ANOS1: variants seen among roughly 807,000 people sequenced by gnomAD.
ANOS1 encodes anosmin-1.
A neutral mutation model predicts 59.0 loss-of-function variants in ANOS1; 6 were observed. The observed-to-expected ratio is 0.10, with a 90% CI of 0.06 to 0.20. ANOS1 has a LOEUF of 0.20. Ranked by LOEUF, ANOS1 falls within the 10% of genes least tolerant of loss-of-function variation. ANOS1 has a pLI of 1.00. For missense variants in ANOS1, 433 were observed against 542.3 expected (o/e 0.80, Z 2.00); for synonymous variants, 217 against 223.4 (o/e 0.97, Z 0.25).
Position 8,650,073 on chromosome X carries a change from G to C in ANOS1, c.256-26403C>G, listed in dbSNP as rs1004387749. Among the ~76,000 whole-genome samples the C allele has an allele frequency of 1.7e-4, 19 of 112,661 alleles. 1 individual carries two copies. Among genetic ancestry groups the C allele is most frequent in the African/African-American group, 6.1e-4 (19 of 31,027 alleles). On this transcript the variant is annotated intron_variant, in intron 2 of 13. Coordinates refer to ENST00000262648, the MANE Select transcript of ANOS1 (RefSeq NM_000216.4). ...TTACTTGTGTCTACTGCTTATGATA[G>C]TTTCCTGGGGGACCCATAAGTAGTG...
In ANOS1 at chrX:8,643,739, G is replaced by A. The variant is rs1021763691; in HGVS notation, c.256-20069C>T. On this transcript the variant is annotated intron_variant, in intron 2 of 13. Coordinates refer to ENST00000262648, the MANE Select transcript of ANOS1 (RefSeq NM_000216.4). ...GAATAGGAAACATTTGTCATCTATT[G>A]TTTCTAACAGCAGCCACTGTGAGAC... Among the ~76,000 whole-genome samples, 8 of 111,575 alleles carry A rather than the reference G, an allele frequency of 7.2e-5. 1 individual carries two copies. The highest frequency in any genetic ancestry group is 1.1e-4 in the Non-Finnish European group (6 of 53,102).
At position 8,529,957 on chromosome X, in the gene ANOS1, AT is replaced by A. The variant is rs1929470811; in HGVS notation, c.*3037del. 8.9e-6 allele frequency: 1 copy of A among 111,973 alleles called. No homozygotes were observed. Among genetic ancestry groups the A allele is most frequent in the Non-Finnish European group, 1.9e-5 (1 of 53,265 alleles). 9.2% of individuals were successfully genotyped at this position (111,973 alleles called of 1,213,427 possible). On this transcript the variant is annotated 3_prime_UTR_variant, in exon 14 of 14. Coordinates refer to ENST00000262648, the MANE Select transcript of ANOS1 (RefSeq NM_000216.4). ...TGTTGAGGTTGAGATGAACCTCTGTATACAGTCGGCTATGTATCTAAGGTTT... is the reference window on the plus strand; with the variant it reads ...TGTTGAGGTTGAGATGAACCTCTGTAACAGTCGGCTATGTATCTAAGGTTT...
intron 3 of ANOS1, among the ~76,000 whole-genome samples, chrX:8,615,162 C>A (rs886654171): frequency 1.8e-5 from 2 of 111,505 alleles, no homozygotes; most frequent in African/African-American, 6.5e-5. Context: ...ACAAGTAACA[C>A]TTTTATGTGT....
intron 6 of ANOS1, among the ~76,000 whole-genome samples, chrX:8,578,571 A>C (rs915170758): frequency 2.7e-5 from 3 of 111,953 alleles, no homozygotes; most frequent in Non-Finnish European, 3.8e-5. Flanking sequence ...CCAGTGTGAT[A>C]CTTATATGCT....
intron 2 of ANOS1, among the ~76,000 whole-genome samples, chrX:8,690,983 A>G (rs1932597500): frequency 9.0e-6 from 1 of 111,690 alleles, no homozygotes. Context: ...CAGGCTCCCC[A>G]CAGATAGGTG....
rs1173244039 is a variant in ANOS1, at chrX:8,732,104, C to T, written c.-68G>A. 5 of 800,298 alleles carry T rather than the reference C, an allele frequency of 6.2e-6. No homozygotes were observed. The highest frequency in any genetic ancestry group is 7.8e-6 in the Non-Finnish European group (5 of 643,179). The allele number at this position is 800,298 out of a possible 1,213,427, so 66.0% of individuals were successfully genotyped here. A position where few individuals can be genotyped will look rare whatever the true frequency, so the allele number is the denominator to read the frequency against. On this transcript the variant is annotated 5_prime_UTR_variant, in exon 1 of 14. Coordinates refer to ENST00000262648, the MANE Select transcript of ANOS1 (RefSeq NM_000216.4). ...CGAGGCTCCCTGCTCCGCGCCGGGG[C>T]TGCACTGCTGAGGACCAGGCAGACG...
At chrX:8,649,206 A>G (rs1288054857) in intron 2 of ANOS1, among the ~76,000 whole-genome samples, 1 of 111,939 alleles carries the variant, frequency 8.9e-6, no homozygotes, top group Non-Finnish European at 1.9e-5. Flanking sequence ...AGTCAAATCT[A>G]TTGTCTACAT....
intron 1 of ANOS1, among the ~76,000 whole-genome samples, chrX:8,706,002 T>C (rs1260503370): frequency 8.9e-6 from 1 of 112,363 alleles, no homozygotes; most frequent in Non-Finnish European, 1.9e-5. Context: ...TTCAATCAAC[T>C]GCACCCAGCC....
intron 2 of ANOS1, among the ~76,000 whole-genome samples, chrX:8,685,646 AAGAAAG>A (rs1932508218): frequency 9.6e-6 from 1 of 103,829 alleles, no homozygotes; most frequent in African/African-American, 3.7e-5. Flanking sequence ...GAAAGAAAGA[AAGAAAG>A]AAAGAAAAAG....
intron 3 of ANOS1, among the ~76,000 whole-genome samples, chrX:8,613,084 T>C (rs909704267): frequency 2.7e-5 from 3 of 112,749 alleles, no homozygotes; most frequent in Non-Finnish European, 5.6e-5. Flanking sequence ...CTATCATGTT[T>C]ACAATGCATT....
At chrX:8,668,042 T>C (rs1429702935) in intron 2 of ANOS1, among the ~76,000 whole-genome samples, 1 of 110,460 alleles carries the variant, frequency 9.1e-6, no homozygotes, top group Non-Finnish European at 1.9e-5. Context: ...AATTTTTTTT[T>C]TATTTCCATA....
At chrX:8,643,153 A>C (rs1010387131) in intron 2 of ANOS1, among the ~76,000 whole-genome samples, 2 of 111,831 alleles carry the variant, frequency 1.8e-5, no homozygotes, top group African/African-American at 6.5e-5. Context: ...TTAAAAACTT[A>C]GAGACATATC....
chrX:8,615,227 T>G (rs1317487971), intron 3 of ANOS1, among the ~76,000 whole-genome samples: 1 of 111,523 alleles, frequency 9.0e-6, no homozygotes, highest in Non-Finnish European at 1.9e-5. Context: ...AGCCTATTAT[T>G]TATCATACTA....
chrX:8,567,318 G>A (rs1216687444), intron 8 of ANOS1, among the ~76,000 whole-genome samples: 1 of 111,706 alleles, frequency 9.0e-6, no homozygotes, highest in East Asian at 2.8e-4. Flanking sequence ...AACCTTTCAA[G>A]CAGTAATTAT....
intron 6 of ANOS1, among the ~76,000 whole-genome samples, chrX:8,579,755 G>C (rs1363676356): frequency 6.3e-5 from 7 of 111,632 alleles, no homozygotes; most frequent in African/African-American, 2.3e-4. Flanking sequence ...AACAGCTGCA[G>C]ACAAAGACTG....
At chrX:8,609,745 T>G (rs889666615) in intron 3 of ANOS1, among the ~76,000 whole-genome samples, 1 of 110,724 alleles carries the variant, frequency 9.0e-6, no homozygotes, top group African/African-American at 3.3e-5. Context: ...TGGTGGCTCA[T>G]GCCTGTAATC....
At position 8,640,854 on chromosome X, in the gene ANOS1, G is replaced by A. The variant is rs774592286; in HGVS notation, c.256-17184C>T. ...TTCTACTCTGGAAAGAAACCAGTGGGTAGGGATTGTTCCCTAAAAACTCAA... is the reference window on the plus strand; with the variant it reads ...TTCTACTCTGGAAAGAAACCAGTGGATAGGGATTGTTCCCTAAAAACTCAA... On this transcript the variant is annotated intron_variant, in intron 2 of 13. Transcript: ENST00000262648. 3.2e-3 allele frequency among the ~76,000 whole-genome samples: 361 copies of A among 111,879 alleles called. 4 individuals are homozygous for A. Among genetic ancestry groups the A allele is most frequent in the African/African-American group, 0.011 (346 of 30,847 alleles).
intron 2 of ANOS1, among the ~76,000 whole-genome samples, chrX:8,696,748 T>C (rs1425507504): frequency 8.9e-6 from 1 of 112,529 alleles, no homozygotes; most frequent in African/African-American, 3.2e-5. Flanking sequence ...AGGTTCTTTA[T>C]TAGCATCCCT....
intron 8 of ANOS1, chrX:8,566,351 G>T: frequency 2.0e-6 from 1 of 507,884 alleles, no homozygotes; most frequent in Non-Finnish European, 2.4e-6. Context: ...GTGTGTGTGT[G>T]TGTGTGTATG....
Sources: gnomAD v4.1 joint callset for allele counts (sites outside exome capture counted in the v4.1 genomes callset) on GRCh38, gnomAD v4.1.1 for gene constraint, MANE v1.5 for transcripts, NCBI Gene and HGNC (gene_info 2026-07-23, HGNC 2026-07-21) for gene names.